PBX1: variants seen among roughly 807,000 people sequenced by gnomAD.
PBX1 encodes the protein pre-B-cell leukemia transcription factor 1.
A neutral mutation model predicts 53.4 loss-of-function variants in PBX1; 6 were observed. That is an observed-to-expected ratio of 0.11 (90% CI 0.06 to 0.22). The LOEUF is 0.22. Ranked by LOEUF, PBX1 falls within the 10% of genes least tolerant of loss-of-function variation. The pLI, the probability that PBX1 is intolerant of heterozygous loss-of-function variation, is 1.00. For missense variants in PBX1, 251 were observed against 551.4 expected, an observed-to-expected ratio of 0.46 and a Z score of 5.46; for synonymous variants, 204 against 212.3, an observed-to-expected ratio of 0.96 and a Z score of 0.34.
At chr1:164,664,892 T>C (rs1211268619) in intron 2 of PBX1, among the ~76,000 whole-genome samples, 2 of 75,118 alleles carry the variant, frequency 2.7e-5, no homozygotes, top group Non-Finnish European at 7.0e-5. Context: ...TTCAATTACC[T>C]CCCACTGAGT....
chr1:164,567,347 A>T (rs1653506051), intron 2 of PBX1, among the ~76,000 whole-genome samples: 1 of 152,170 alleles, frequency 6.6e-6, no homozygotes, highest in Non-Finnish European at 1.5e-5. Flanking sequence ...TTGGGGTTGA[A>T]GTGGTAGGAG....
At chr1:164,785,294 G>A (rs1045283542) in intron 2 of PBX1, among the ~76,000 whole-genome samples, 1 of 152,122 alleles carries the variant, frequency 6.6e-6, no homozygotes, top group African/African-American at 2.4e-5. Flanking sequence ...ATTAAAAAAG[G>A]CATTTCACAT....
chr1:164,690,150 C>G (rs1211350889), intron 2 of PBX1, among the ~76,000 whole-genome samples: 1 of 152,164 alleles, frequency 6.6e-6, no homozygotes. Context: ...CCTCGGCCTC[C>G]CCTCTGTGCT....
At chr1:164,711,135 A>G (rs1046468128) in intron 2 of PBX1, among the ~76,000 whole-genome samples, 6 of 152,146 alleles carry the variant, frequency 3.9e-5, no homozygotes, top group South Asian at 2.1e-4. Context: ...ACATCACCCT[A>G]TGAAAGAACA....
At chr1:164,804,819 A>G (rs1402112660) in intron 4 of PBX1, among the ~76,000 whole-genome samples, 4 of 152,364 alleles carry the variant, frequency 2.6e-5, no homozygotes, top group Middle Eastern at 6.8e-3. Flanking sequence ...GAATGAATGA[A>G]TGAACAAATT....
chr1:164,574,123 C>T (rs938644243), intron 2 of PBX1, among the ~76,000 whole-genome samples: 3 of 152,176 alleles, frequency 2.0e-5, no homozygotes, highest in African/African-American at 4.8e-5. Context: ...GTTCCCCCAC[C>T]TCCTTCTCTG....
chr1:164,786,680 A>G (rs1668194252), intron 2 of PBX1, among the ~76,000 whole-genome samples: 2 of 94,010 alleles, frequency 2.1e-5, no homozygotes, highest in South Asian at 5.2e-4. Flanking sequence ...ATCAGAAGAG[A>G]CTGTGTGTGT....
intron 2 of PBX1, among the ~76,000 whole-genome samples, chr1:164,691,572 C>T (rs1662490549): frequency 6.6e-6 from 1 of 152,168 alleles, no homozygotes. Context: ...CTAGACACAC[C>T]TGAGGCTGAA....
intron 2 of PBX1, among the ~76,000 whole-genome samples, chr1:164,860,215 A>G (rs1399504958): frequency 6.6e-6 from 1 of 152,202 alleles, no homozygotes; most frequent in Non-Finnish European, 1.5e-5. Flanking sequence ...CCTTCCCCCA[A>G]GTCATGCAGG....
At chr1:164,687,377 C>T (rs1662169678) in intron 2 of PBX1, among the ~76,000 whole-genome samples, 1 of 151,894 alleles carries the variant, frequency 6.6e-6, no homozygotes, top group South Asian at 2.1e-4. Context: ...GTCTGGGCAA[C>T]ATGGTGAAAC....
At chr1:164,818,754 A>G (rs1055822349) in intron 6 of PBX1, 2 of 152,220 alleles carry the variant, frequency 1.3e-5, no homozygotes, top group African/African-American at 4.8e-5. Context: ...CCATAAATAA[A>G]CAGTGCATTG....
chr1:164,617,428 A>G (rs1036238438), intron 2 of PBX1, among the ~76,000 whole-genome samples: 1 of 152,230 alleles, frequency 6.6e-6, no homozygotes, highest in Non-Finnish European at 1.5e-5. Flanking sequence ...GGGATCAGAC[A>G]TTATTGCCAT....
At chr1:164,736,802 A>G (rs968274125) in intron 2 of PBX1, among the ~76,000 whole-genome samples, 19 of 152,226 alleles carry the variant, frequency 1.2e-4, no homozygotes, top group African/African-American at 4.3e-4. Context: ...CAAGTAGAGA[A>G]GAGCTAGTGA....
At chr1:164,574,682 A>G (rs2101721574) in intron 2 of PBX1, among the ~76,000 whole-genome samples, 1 of 152,330 alleles carries the variant, frequency 6.6e-6, no homozygotes, top group Non-Finnish European at 1.5e-5. Flanking sequence ...AAAATAGTGG[A>G]ATTAAAAAAA....
intron 1 of PBX1, among the ~76,000 whole-genome samples, chr1:164,560,816 G>A (rs957558842): frequency 1.3e-5 from 2 of 152,054 alleles, no homozygotes; most frequent in Non-Finnish European, 2.9e-5. Flanking sequence ...GGGGTGGGGG[G>A]ACAAAAATCA....
chr1:164,875,399 C>T (rs1249933042), intron 2 of PBX1, among the ~76,000 whole-genome samples: 2 of 152,122 alleles, frequency 1.3e-5, no homozygotes, highest in African/African-American at 4.8e-5. Flanking sequence ...ACCTCTTGGG[C>T]TCAAGAGATC....
At chr1:164,879,304 A>G (rs1231292646) in intron 2 of PBX1, among the ~76,000 whole-genome samples, 1 of 152,214 alleles carries the variant, frequency 6.6e-6, no homozygotes, top group Non-Finnish European at 1.5e-5. Context: ...AATGAAAGAT[A>G]TAAATAAAAC....
chr1:164,811,766 G>A (rs550347763), intron 5 of PBX1, among the ~76,000 whole-genome samples: 23 of 152,184 alleles, frequency 1.5e-4, no homozygotes, highest in Non-Finnish European at 2.9e-4. Context: ...TTTTGTCACA[G>A]TGGTTTCGCT....
Position 164,603,924 on chromosome 1 carries a change from ATTTCATTTTTTTTTTTTTTTTTTTTTTTT to A in PBX1, c.265+40617_265+40645del, listed in dbSNP as rs1233849779. Among the ~76,000 whole-genome samples, 22 of 78,312 alleles carry A rather than the reference ATTTCATTTTTTTTTTTTTTTTTTTTTTTT, an allele frequency of 2.8e-4. No homozygotes were observed. In the South Asian group the frequency reaches 8.8e-3, roughly 31 times the overall value. 51.4% of individuals were successfully genotyped at this position (78,312 alleles called of 152,430 possible). ...TGCAAGACACTCTGTACATTATGTC[ATTTCATTTTTTTTTTTTTTTTTTTTTTTT>A]TTTTTTTTTAGAGATGAGTCTCTGT... On this transcript the variant is annotated intron_variant, in intron 2 of 8. Transcript: ENST00000420696.
Sources: allele counts gnomAD v4.1 joint callset (sites outside exome capture counted in the v4.1 genomes callset), GRCh38; gene constraint gnomAD v4.1.1; transcripts MANE v1.5; gene names NCBI Gene and HGNC (gene_info 2026-07-23, HGNC 2026-07-21).